The following CADM2 variants were observed in gnomAD, a reference collection of about 807,000 sequenced individuals.
CADM2 encodes the protein immunoglobulin superfamily member 4D.
A neutral mutation model predicts 49.8 loss-of-function variants in CADM2; 12 were observed. The ratio of observed to expected loss-of-function variants is 0.24; its 90% CI spans 0.15 to 0.39. The LOEUF is 0.39. Ranked by LOEUF, CADM2 falls within the 10% of genes least tolerant of loss-of-function variation. The pLI is 1.00. For missense variants in CADM2, 378 were observed against 492.3 expected (o/e 0.77, Z 2.20); for synonymous variants, 214 against 175.4 (o/e 1.22, Z -1.74).
intron 6 of CADM2, among the ~76,000 whole-genome samples, chr3:85,932,124 T>C (rs1165685469): frequency 2.0e-5 from 3 of 151,316 alleles, no homozygotes; most frequent in Admixed American, 6.6e-5. Context: ...TGTGGAACTA[T>C]GAAAAAGTAG....
rs1328561625 is a variant in CADM2 at position 86,066,824 on chromosome 3, G to T, written c.*41G>T. 1 of 1,373,412 alleles carries T rather than the reference G, an allele frequency of 7.3e-7. No individual in the cohort carries two copies. The highest frequency in any genetic ancestry group is 1.2e-5 in the South Asian group (1 of 86,136). 85.1% of individuals were successfully genotyped at this position (1,373,412 alleles called of 1,614,324 possible). On this transcript the variant is annotated 3_prime_UTR_variant, in exon 10 of 10. Transcript: ENST00000383699. ...TCTGAGTTTTACTACCAGGCTGAAT[G>T]CTGGAGAAAACTGGCTATCATCTTT...
At chr3:85,228,707 G>C (rs912411742) in intron 1 of CADM2, among the ~76,000 whole-genome samples, 1 of 152,018 alleles carries the variant, frequency 6.6e-6, no homozygotes, top group Non-Finnish European at 1.5e-5. Flanking sequence ...TTGTCATAGA[G>C]GTGCACCCGC....
intron 1 of CADM2, among the ~76,000 whole-genome samples, chr3:85,269,816 CT>C (rs35392387): frequency 6.6e-6 from 1 of 151,284 alleles, no homozygotes; most frequent in African/African-American, 2.4e-5. Context: ...TAATTTTCTT[CT>C]TTTTGAAACC....
chr3:85,401,600 T>G (rs2035113553), intron 1 of CADM2, among the ~76,000 whole-genome samples: 1 of 152,018 alleles, frequency 6.6e-6, no homozygotes, highest in Admixed American at 6.6e-5. Flanking sequence ...GCCCAGAAAA[T>G]CCATGCCATT....
chr3:85,751,588 T>C (rs1401307063), intron 2 of CADM2, among the ~76,000 whole-genome samples: 1 of 152,160 alleles, frequency 6.6e-6, no homozygotes, highest in African/African-American at 2.4e-5. Flanking sequence ...TCAGAGCACG[T>C]CTTCACATCC....
Position 85,430,806 on chromosome 3 carries a change from T to C in CADM2, c.62-295716T>C, listed in dbSNP as rs190465354. ...TTTTGTTACAGTAGAAGGGGCTTGATGCAAACACTCCAGCTGGAAATAAGC... is the reference window on the plus strand; with the variant it reads ...TTTTGTTACAGTAGAAGGGGCTTGACGCAAACACTCCAGCTGGAAATAAGC... On this transcript the variant is annotated intron_variant, in intron 1 of 9. Transcript: ENST00000383699. Among the ~76,000 whole-genome samples the C allele has an allele frequency of 5.3e-5, 8 of 152,116 alleles. No individual in the cohort carries two copies. The East Asian group carries it at 1.5e-3, about 29-fold the overall frequency.
chr3:85,042,359 CG>C (rs2035476535), intron 1 of CADM2, among the ~76,000 whole-genome samples: 2 of 152,056 alleles, frequency 1.3e-5, no homozygotes, highest in Non-Finnish European at 2.9e-5. Flanking sequence ...ATGTTTTAGA[CG>C]GGGGCTCACA....
intron 1 of CADM2, among the ~76,000 whole-genome samples, chr3:85,229,176 T>G (rs2042227841): frequency 6.6e-6 from 1 of 152,106 alleles, no homozygotes. Context: ...GCTCGTGAAT[T>G]CCAGGTCAAT....
intron 1 of CADM2, among the ~76,000 whole-genome samples, chr3:85,364,366 C>A (rs1477562653): frequency 1.3e-5 from 2 of 152,104 alleles, no homozygotes. Flanking sequence ...TTAAAACTCA[C>A]GCCTGTTATA....
chr3:85,237,300 G>A (rs1241885788), intron 1 of CADM2, among the ~76,000 whole-genome samples: 1 of 151,770 alleles, frequency 6.6e-6, no homozygotes, highest in East Asian at 1.9e-4. Context: ...TTACCTAGAT[G>A]TGTCAGAGGC....
chr3:85,761,201 T>C (rs1483485136), intron 2 of CADM2, among the ~76,000 whole-genome samples: 1 of 151,998 alleles, frequency 6.6e-6, no homozygotes, highest in Non-Finnish European at 1.5e-5. Context: ...GTTTGGGACA[T>C]AAATAGGGAT....
chr3:85,120,044 C>G (rs543882758), intron 1 of CADM2, among the ~76,000 whole-genome samples: 1 of 152,256 alleles, frequency 6.6e-6, no homozygotes, highest in African/African-American at 2.4e-5. Context: ...ACAGACATTT[C>G]TCAAAAGAAG....
intron 8 of CADM2, among the ~76,000 whole-genome samples, chr3:86,041,245 T>C (rs1735876015): frequency 6.6e-6 from 1 of 152,148 alleles, no homozygotes; most frequent in East Asian, 1.9e-4. Flanking sequence ...TAATCTTACA[T>C]GTAAATGGAC....
At chr3:85,922,777 T>A (rs1187371919) in intron 6 of CADM2, among the ~76,000 whole-genome samples, 1 of 152,114 alleles carries the variant, frequency 6.6e-6, no homozygotes, top group African/African-American at 2.4e-5. Context: ...ATTTTCATTT[T>A]TAGATTTATA....
At chr3:85,990,592 TA>T in intron 8 of CADM2, among the ~76,000 whole-genome samples, 1 of 152,280 alleles carries the variant, frequency 6.6e-6, no homozygotes, top group East Asian at 1.9e-4. Context: ...TTATAATTTC[TA>T]AAATTAAATA....
In CADM2 at chr3:85,125,226, A is replaced by G. The variant is rs139630838; in HGVS notation, c.61+165558A>G. 3.4e-3 allele frequency among the ~76,000 whole-genome samples: 518 copies of G among 152,316 alleles called. 2 individuals are homozygous for G. Among genetic ancestry groups the G allele is most frequent in the African/African-American group, 0.011 (468 of 41,572 alleles). On this transcript the variant is annotated intron_variant, in intron 1 of 9. Coordinates refer to ENST00000383699, the MANE Select transcript of CADM2 (RefSeq NM_001167675.2). ...ACTCAGGACATCATTTAGGAGGAGA[A>G]CACGGTAAACCAAAATATATTAATA...
intron 1 of CADM2, among the ~76,000 whole-genome samples, chr3:84,998,508 AC>A (rs1487648343): frequency 6.6e-6 from 1 of 152,194 alleles, no homozygotes; most frequent in African/African-American, 2.4e-5. Context: ...AACTTCAGAA[AC>A]TATGCAATTA....
At chr3:86,032,706 G>A (rs1417344287) in intron 8 of CADM2, among the ~76,000 whole-genome samples, 2 of 151,862 alleles carry the variant, frequency 1.3e-5, no homozygotes, top group African/African-American at 2.4e-5. Context: ...ACTTTGAAAT[G>A]AAGCTCATAG....
At chr3:85,532,191 TAA>T (rs963816519) in intron 1 of CADM2, among the ~76,000 whole-genome samples, 2 of 69,482 alleles carry the variant, frequency 2.9e-5, no homozygotes, top group Admixed American at 1.9e-4. Flanking sequence ...ATAATAATAA[TAA>T]TAAAAAAATA....
Sources: gnomAD v4.1 joint callset for allele counts (sites outside exome capture counted in the v4.1 genomes callset) on GRCh38, gnomAD v4.1.1 for gene constraint, MANE v1.5 for transcripts, NCBI Gene and HGNC (gene_info 2026-07-23, HGNC 2026-07-21) for gene names.